Variants in MROH1 observed in about 807,000 individuals in gnomAD.
MROH1 encodes the protein maestro heat like repeat family member 1.
MROH1 carries 117 observed loss-of-function variants against 116.5 expected under a neutral mutation model. The ratio of observed to expected loss-of-function variants is 1.00; its 90% CI spans 0.86 to 1.17. The LOEUF (loss-of-function observed/expected upper bound fraction) is 1.17. Ranked by LOEUF, MROH1 falls within the 50% of genes most tolerant of loss-of-function variation. MROH1 has a pLI of 0.00. For missense variants in MROH1, 1,873 were observed against 1,338.5 expected (o/e 1.40, Z -6.23); for synonymous variants, 921 against 583.9 (o/e 1.58, Z -8.32).
intron 33 of MROH1, among the ~76,000 whole-genome samples, chr8:144,253,066 A>C (rs1400114185): frequency 1.3e-5 from 2 of 151,542 alleles, no homozygotes; most frequent in African/African-American, 4.9e-5. Flanking sequence ...AGGCAGGAGA[A>C]TCGCTTGAAC....
At position 144,255,578 on chromosome 8, in the gene MROH1, C is replaced by T. The variant is rs1843593027; in HGVS notation, c.3664C>T (p.Gln1222Ter). 2 of 779,412 alleles carry T rather than the reference C, an allele frequency of 2.6e-6. No individual in the cohort carries two copies. Among genetic ancestry groups the T allele is most frequent in the Non-Finnish European group, 4.8e-6 (2 of 417,778 alleles). The allele number at this position is 779,412 out of a possible 1,614,324, so 48.3% of individuals were successfully genotyped here. ...GCCCGCGGTGCTCGAGCTCTACCCC[C>T]AGCTGTTTGTGGTGCTTCTGCTGCG... The part of the protein sequence containing the change: ...AGPAVLELYP[Q>*]LFVVLLLRVS... Residue 1222 changes from glutamine (Q) to a stop codon, truncating the protein, a stop_gained, in exon 35 of 44, where the codon CAG becomes TAG. Transcript: ENST00000326134. LOFTEE classifies it high-confidence loss of function.
Position 144,248,967 on chromosome 8 carries a change from C to A in MROH1, c.3211C>A (p.Arg1071=). ...GGGAGACCCCGAAAAGAACTGCTCC[C>A]GAGCAGCTACCGTCATGATCAACTG... is the stretch of plus-strand genomic sequence containing the variant. The part of the protein sequence containing the change: ...ALGDPEKNCS[R]AATVMINCLL... Residue 1071 remains arginine, a synonymous_variant, in exon 32 of 44, where the codon CGA becomes AGA. Coordinates refer to ENST00000326134, the MANE Select transcript of MROH1 (RefSeq NM_032450.3). 4 of 742,794 alleles carry A rather than the reference C, an allele frequency of 5.4e-6. No homozygotes were observed. Among genetic ancestry groups the A allele is most frequent in the East Asian group, 2.6e-5 (1 of 39,002 alleles). 46.0% of individuals were successfully genotyped at this position (742,794 alleles called of 1,614,324 possible).
At position 144,241,611 on chromosome 8, in the gene MROH1, C is replaced by A. The variant is rs1450274043; in HGVS notation, c.2178+94C>A. On this transcript the variant is annotated intron_variant, in intron 22 of 43. Coordinates refer to ENST00000326134, the MANE Select transcript of MROH1 (RefSeq NM_032450.3). ...CTGCGGGCTGGAGTGGGGCAGGAAG[C>A]TGGTTGCGTCCCTGGACCAATTTTT... The A allele has an allele frequency of 7.8e-6, 6 of 766,616 alleles. No homozygotes were observed. In the Admixed American group the frequency reaches 1.0e-4, roughly 13 times the overall value. The allele number at this position is 766,616 out of a possible 1,614,324, so 47.5% of individuals were successfully genotyped here.
At chr8:144,192,530 C>T (rs925129861) in intron 10 of MROH1, 129 bp downstream of exon 10, 1 of 775,542 alleles carries the variant, frequency 1.3e-6, no homozygotes, top group African/African-American at 1.7e-5. Context: ...ACTGGGCATT[C>T]CCTGAAGGTC....
chr8:144,250,590 G>A (rs1258131208), intron 33 of MROH1: 6 of 629,094 alleles, frequency 9.5e-6, no homozygotes, highest in East Asian at 2.8e-5. Flanking sequence ...CACTGGCTCC[G>A]GTGGGCCCTG....
chr8:144,241,868 G>A (rs1841049824), intron 22 of MROH1, among the ~76,000 whole-genome samples: 1 of 152,234 alleles, frequency 6.6e-6, no homozygotes, highest in African/African-American at 2.4e-5. Context: ...CCTGGTTTAA[G>A]GAAGGAGTGG....
chr8:144,255,790 A>T, intron 35 of MROH1, 85 bp downstream of exon 35: 1 of 678,130 alleles, frequency 1.5e-6, no homozygotes. Context: ...GGCGGACGGC[A>T]GATCTGAACC....
chr8:144,225,914 T>G (rs535158167), intron 14 of MROH1, among the ~76,000 whole-genome samples: 5 of 140,520 alleles, frequency 3.6e-5, no homozygotes, highest in East Asian at 4.0e-4. Flanking sequence ...TTTTTAGTTT[T>G]TTTTTTTTTT....
In MROH1 at chr8:144,179,605, G is replaced by C. The variant is rs7842771; in HGVS notation, c.300+19G>C. 1,511,589 of 1,592,134 alleles carry C rather than the reference G, an allele frequency of 0.95. 723,091 individuals are homozygous for C. Among genetic ancestry groups the C allele is most frequent in the East Asian group, 0.99 (43,236 of 43,574 alleles). ...GACGAAGGTATTCAGCAGGCCCTCT[G>C]GCCTCGCAGACTCAGGCCTAGCTTG... On this transcript the variant is annotated intron_variant, in intron 5 of 43. Coordinates refer to ENST00000326134, the MANE Select transcript of MROH1 (RefSeq NM_032450.3).
intron 10 of MROH1, among the ~76,000 whole-genome samples, chr8:144,195,195 T>A (rs1311274058): frequency 1.5e-3 from 17 of 11,676 alleles, no homozygotes; most frequent in Admixed American, 2.3e-3. Context: ...ACTGTGTCTT[T>A]AAAAAAAAAA....
chr8:144,204,031 T>C (rs1408542249), intron 12 of MROH1, among the ~76,000 whole-genome samples: 2 of 152,232 alleles, frequency 1.3e-5, no homozygotes, highest in African/African-American at 4.8e-5. Context: ...TTTAACCAAA[T>C]GACATACTTC....
rs1395984766 is a variant in MROH1 at position 144,238,853 on chromosome 8, G to A, written c.1436G>A (p.Arg479Lys). The change falls in exon 15 of 44, where the codon AGG becomes AAG. Residue 479 changes from arginine to lysine, a missense_variant. By Grantham distance (26) the Arg-to-Lys change is conservative. Transcript: ENST00000326134. ...TACCTGGTCAGCACCACCGTGGACA[G>A]GATGAGTCACGTGAGTGCACGGCAC... is the stretch of plus-strand genomic sequence containing the variant. ...TLYLVSTTVD[R>K]MSHVLWPYLL... The A allele has an allele frequency of 3.9e-6, 3 of 774,142 alleles. No individual in the cohort carries two copies. Among genetic ancestry groups the A allele is most frequent in the Non-Finnish European group, 7.2e-6 (3 of 418,016 alleles). 48.0% of individuals were successfully genotyped at this position (774,142 alleles called of 1,614,324 possible).
At chr8:144,257,561 C>T (rs1175408615) in intron 35 of MROH1, among the ~76,000 whole-genome samples, 5 of 152,208 alleles carry the variant, frequency 3.3e-5, no homozygotes, top group Admixed American at 6.5e-5. Context: ...CTCTAACAAG[C>T]TTGTCTCATG....
chr8:144,259,304 A>T lies in MROH1; in HGVS notation c.3994A>T (p.Ser1332Cys), dbSNP rs1234268855. 4 of 714,978 alleles carry T rather than the reference A, an allele frequency of 5.6e-6. No homozygotes were observed. Among genetic ancestry groups the T allele is most frequent in the African/African-American group, 5.2e-5 (3 of 57,170 alleles). The allele number at this position is 714,978 out of a possible 1,614,324, so 44.3% of individuals were successfully genotyped here. A position where few individuals can be genotyped will look rare whatever the true frequency, so the allele number is the denominator to read the frequency against. Reference protein sequence around the residue: ...LVLKTLACTHSSAYENQRVTT... With the variant: ...LVLKTLACTHCSAYENQRVTT... The stretch of plus-strand genomic sequence containing the variant: ...GCTGAAGACGCTGGCATGCACACAC[A>T]GCAGTGCGTATGAGAACCAGAGGGT... Residue 1332 changes from serine to cysteine, a missense_variant, in exon 37 of 44, where the codon AGC becomes TGC. Coordinates refer to ENST00000326134, the MANE Select transcript of MROH1 (RefSeq NM_032450.3).
chr8:144,210,176 C>T (rs771115657), intron 12 of MROH1, among the ~76,000 whole-genome samples: 1 of 152,144 alleles, frequency 6.6e-6, no homozygotes, highest in African/African-American at 2.4e-5. Flanking sequence ...CGGTGGCTCA[C>T]ACCTGTAATC....
chr8:144,199,914 A>G (rs959647996), intron 11 of MROH1, among the ~76,000 whole-genome samples: 3 of 152,178 alleles, frequency 2.0e-5, no homozygotes, highest in Non-Finnish European at 4.4e-5. Context: ...ATACCCAGGC[A>G]GAGCAGGCCT....
Position 144,168,293 on chromosome 8 carries a change from A to G in MROH1, c.23-2A>G. 6.3e-7 allele frequency: 1 copy of G among 1,597,308 alleles called. No homozygotes were observed. The highest frequency in any genetic ancestry group is 8.5e-7 in the Non-Finnish European group (1 of 1,175,626). On this transcript the variant is annotated splice_acceptor_variant, in intron 3 of 43. Coordinates refer to ENST00000326134, the MANE Select transcript of MROH1 (RefSeq NM_032450.3). LOFTEE classifies it high-confidence loss of function. ...CATGCTAACCAGGCTTTGTCGCTGCAGAGCTGGCCTCCACCCTGCTGGACG... is the reference window on the plus strand; with the variant it reads ...CATGCTAACCAGGCTTTGTCGCTGCGGAGCTGGCCTCCACCCTGCTGGACG...
At position 144,239,070 on chromosome 8, in the gene MROH1, T is replaced by C; in HGVS notation, c.1482T>C (p.Pro494=). Residue 494 remains proline (P), a synonymous_variant, in exon 16 of 44, where the codon CCT becomes CCC. Transcript: ENST00000326134. ...CATACCTGCTCCAGTTCCTCACCCCTGTGCGCTTCACTGGGGCCCTGACTC... is the reference window on the plus strand; with the variant it reads ...CATACCTGCTCCAGTTCCTCACCCCCGTGCGCTTCACTGGGGCCCTGACTC... ...LWPYLLQFLT[P]VRFTGALTPL... 3 of 778,002 alleles carry C rather than the reference T, an allele frequency of 3.9e-6. No individual in the cohort carries two copies. In the East Asian group the frequency reaches 7.3e-5, roughly 19 times the overall value. The allele number at this position is 778,002 out of a possible 1,614,324, so 48.2% of individuals were successfully genotyped here.
At chr8:144,181,932 C>T (rs1464928746) in intron 7 of MROH1, among the ~76,000 whole-genome samples, 1 of 152,234 alleles carries the variant, frequency 6.6e-6, no homozygotes, top group Non-Finnish European at 1.5e-5. Context: ...TGCTTACCTT[C>T]CCCTTCATAG....
Sources: allele counts gnomAD v4.1 joint callset (sites outside exome capture counted in the v4.1 genomes callset), GRCh38; gene constraint gnomAD v4.1.1; transcripts MANE v1.5; gene names NCBI Gene and HGNC (gene_info 2026-07-23, HGNC 2026-07-21).